Variants in UPRT observed in about 807,000 individuals in gnomAD.
UPRT encodes uracil phosphoribosyltransferase homolog.
A neutral mutation model predicts 22.6 loss-of-function variants in UPRT; 5 were observed. That is an observed-to-expected ratio of 0.22 (90% CI 0.12 to 0.47). The LOEUF is 0.47. Ranked by LOEUF, UPRT falls within the 20% of genes least tolerant of loss-of-function variation. The pLI, the probability that UPRT is intolerant of heterozygous loss-of-function variation, is 0.99. For synonymous variants in UPRT, 77 were observed against 87.7 expected (o/e 0.88, Z 0.68); for missense variants, 181 against 239.9 (o/e 0.75, Z 1.62).
intron 4 of UPRT, among the ~76,000 whole-genome samples, chrX:75,179,154 C>G (rs960830440): frequency 2.2e-4 from 25 of 111,558 alleles, no homozygotes; most frequent in Non-Finnish European, 4.1e-4. Context: ...TGTTTACAAA[C>G]CTTGAGCTAG....
chrX:75,214,257 G>A (rs1001298446), intron 4 of UPRT, among the ~76,000 whole-genome samples: 1 of 112,645 alleles, frequency 8.9e-6, no homozygotes, highest in African/African-American at 3.2e-5. Context: ...CAATGTAAAT[G>A]TTTATTGATA....
At chrX:75,236,794 C>T (rs1276070233) in intron 4 of UPRT, among the ~76,000 whole-genome samples, 5 of 112,099 alleles carry the variant, frequency 4.5e-5, no homozygotes, top group Non-Finnish European at 7.5e-5. Context: ...ATACAAAAAT[C>T]AATTCAAGAT....
chrX:75,241,488 G>A (rs1285075436), intron 4 of UPRT, among the ~76,000 whole-genome samples: 3 of 111,614 alleles, frequency 2.7e-5, no homozygotes, highest in Admixed American at 1.9e-4. Flanking sequence ...ATGTAAACTA[G>A]TATAACCACT....
At chrX:75,187,350 C>T in intron 4 of UPRT, among the ~76,000 whole-genome samples, 1 of 111,169 alleles carries the variant, frequency 9.0e-6, no homozygotes, top group Non-Finnish European at 1.9e-5. Flanking sequence ...GAATATTGGC[C>T]CCCACTCTCT....
At chrX:75,251,741 C>A (rs1217754482) in intron 4 of UPRT, among the ~76,000 whole-genome samples, 2 of 111,356 alleles carry the variant, frequency 1.8e-5, no homozygotes, top group Non-Finnish European at 3.8e-5. Context: ...CAAAAAAGAG[C>A]CTGCATCACC....
intron 4 of UPRT, among the ~76,000 whole-genome samples, chrX:75,217,603 G>A (rs2082396984): frequency 8.9e-6 from 1 of 111,923 alleles, no homozygotes; most frequent in African/African-American, 3.2e-5. Flanking sequence ...TTGGCTCTCT[G>A]TTTGTCTGTT....
chrX:75,167,039 C>A (rs762856211), intron 3 of UPRT, among the ~76,000 whole-genome samples: 1 of 111,872 alleles, frequency 8.9e-6, no homozygotes, highest in Non-Finnish European at 1.9e-5. Context: ...CATGTGCATG[C>A]ATTTCTTTTG....
intron 4 of UPRT, among the ~76,000 whole-genome samples, chrX:75,187,842 C>A (rs747142538): frequency 3.6e-5 from 4 of 112,387 alleles, no homozygotes; most frequent in Admixed American, 9.4e-5. Context: ...GCATTCTTCA[C>A]GTAGTTGTCC....
At chrX:75,227,012 C>T (rs1569269166) in intron 4 of UPRT, among the ~76,000 whole-genome samples, 2 of 110,986 alleles carry the variant, frequency 1.8e-5, no homozygotes, top group South Asian at 7.7e-4. Flanking sequence ...TCTTTATTCT[C>T]ATTGCAAATT....
intron 4 of UPRT, among the ~76,000 whole-genome samples, chrX:75,186,651 G>C (rs2082293345): frequency 9.0e-6 from 1 of 111,634 alleles, no homozygotes; most frequent in African/African-American, 3.3e-5. Flanking sequence ...TATTGTGTGG[G>C]AGTCTAAGTC....
At chrX:75,187,519 A>T (rs1352333367) in intron 4 of UPRT, among the ~76,000 whole-genome samples, 2 of 110,924 alleles carry the variant, frequency 1.8e-5, no homozygotes, top group Non-Finnish European at 3.8e-5. Context: ...GCTCTTCTCG[A>T]GGAGTATCTT....
At chrX:75,272,333 TATATATATATACAC>T (rs2082612605), upstream of UPRT, among the ~76,000 whole-genome samples, 1 of 92,272 alleles carries the variant, frequency 1.1e-5, no homozygotes, top group Non-Finnish European at 2.0e-5. Context: ...TATATATGTA[TATATATATATACAC>T]ATATATATAT....
chrX:75,159,966 C>G (rs1050495394), intron 1 of UPRT, among the ~76,000 whole-genome samples: 19 of 109,025 alleles, frequency 1.7e-4, no homozygotes, highest in African/African-American at 6.0e-4. Context: ...TTAGTAGAGA[C>G]GGGGTTTCAC....
intron 1 of UPRT, among the ~76,000 whole-genome samples, chrX:75,159,780 T>C (rs1168556561): frequency 1.1e-5 from 1 of 93,052 alleles, no homozygotes; most frequent in East Asian, 3.4e-4. Context: ...ATTTTTTTTT[T>C]TTTTTTTTTT....
chrX:75,237,005 A>T (rs182250290), intron 4 of UPRT, among the ~76,000 whole-genome samples: 1 of 112,300 alleles, frequency 8.9e-6, no homozygotes. Context: ...ATCAGCGTGA[A>T]CAGGCAACCT....
chrX:75,186,175 C>G, intron 4 of UPRT, among the ~76,000 whole-genome samples: 1 of 110,802 alleles, frequency 9.0e-6, no homozygotes, highest in African/African-American at 3.3e-5. Context: ...ATAAATTTCC[C>G]TCTACACACT....
intron 4 of UPRT, among the ~76,000 whole-genome samples, chrX:75,256,897 A>G (rs1416833044): frequency 8.9e-6 from 1 of 111,834 alleles, no homozygotes; most frequent in Non-Finnish European, 1.9e-5. Context: ...AACAAAAAAA[A>G]GTCCAGGACA....
At chrX:75,174,798 A>G (rs1371214209) in intron 4 of UPRT, among the ~76,000 whole-genome samples, 3 of 112,278 alleles carry the variant, frequency 2.7e-5, no homozygotes, top group Non-Finnish European at 5.6e-5. Context: ...GAAGATCCAC[A>G]TAAGTAGAAT....
At chrX:75,232,951 G>A in intron 4 of UPRT, among the ~76,000 whole-genome samples, 2 of 112,439 alleles carry the variant, frequency 1.8e-5, no homozygotes, top group South Asian at 7.3e-4. Context: ...ATTTTGACGA[G>A]CTGAGAGAAG....
Sources: gnomAD v4.1 joint callset for allele counts (sites outside exome capture counted in the v4.1 genomes callset) on GRCh38, gnomAD v4.1.1 for gene constraint, MANE v1.5 for transcripts, NCBI Gene and HGNC (gene_info 2026-07-23, HGNC 2026-07-21) for gene names.